CTDSPL: variants seen among roughly 807,000 people sequenced by gnomAD.
The protein encoded by CTDSPL is CTD small phosphatase-like protein.
A neutral mutation model predicts 30.5 loss-of-function variants in CTDSPL; 8 were observed. The ratio of observed to expected loss-of-function variants is 0.26; its 90% CI spans 0.15 to 0.47. The LOEUF is 0.47. CTDSPL is among the 20% of genes least tolerant of loss of function. CTDSPL has a pLI of 0.99. For synonymous variants in CTDSPL, 110 were observed against 137.9 expected (o/e 0.80, Z 1.42); for missense variants, 248 against 366.1 (o/e 0.68, Z 2.63).
intron 1 of CTDSPL, among the ~76,000 whole-genome samples, chr3:37,892,420 GTTTTATGC>G (rs577568793): frequency 2.9e-4 from 44 of 152,032 alleles, no homozygotes; most frequent in Non-Finnish European, 5.7e-4. Flanking sequence ...AATACCAACT[GTTTTATGC>G]TTTAGTCTTA....
intron 1 of CTDSPL, among the ~76,000 whole-genome samples, chr3:37,889,598 T>C (rs993009624): frequency 6.6e-6 from 1 of 152,088 alleles, no homozygotes; most frequent in Non-Finnish European, 1.5e-5. Flanking sequence ...AAAGAAATAA[T>C]GTGAGAGAAT....
intron 1 of CTDSPL, among the ~76,000 whole-genome samples, chr3:37,895,641 T>A (rs1342955226): frequency 6.6e-6 from 1 of 152,242 alleles, no homozygotes; most frequent in East Asian, 1.9e-4. Context: ...CTGCTTACTG[T>A]CTATCTTTTT....
chr3:37,881,926 A>C (rs770589446), intron 1 of CTDSPL, among the ~76,000 whole-genome samples: 1 of 152,210 alleles, frequency 6.6e-6, no homozygotes, highest in Non-Finnish European at 1.5e-5. Flanking sequence ...TCTTGAAATA[A>C]ATATACCAAA....
chr3:37,904,294 G>A, intron 1 of CTDSPL, among the ~76,000 whole-genome samples: 1 of 152,202 alleles, frequency 6.6e-6, no homozygotes, highest in Non-Finnish European at 1.5e-5. Context: ...TTCCCTTTGA[G>A]GAAGGGTCTG....
In CTDSPL at chr3:37,981,872, C is replaced by T; in HGVS notation, c.*1005C>T. 2.2e-6 allele frequency: 1 copy of T among 457,304 alleles called. No homozygotes were observed. The highest frequency in any genetic ancestry group is 4.4e-6 in the Non-Finnish European group (1 of 227,092). The allele number at this position is 457,304 out of a possible 1,614,324, so 28.3% of individuals were successfully genotyped here. A position where few individuals can be genotyped will look rare whatever the true frequency, so the allele number is the denominator to read the frequency against. On this transcript the variant is annotated 3_prime_UTR_variant, in exon 8 of 8. Coordinates refer to ENST00000273179, the MANE Select transcript of CTDSPL (RefSeq NM_001008392.2). ...GGGAATTTTCCTTGCTGCTACCGCG[C>T]TGCCACCAAATGGAATTGACCAGCG... is the stretch of plus-strand genomic sequence containing the variant.
rs572722081 is a variant in CTDSPL at position 37,979,537 on chromosome 3, G to A, written c.706-1205G>A. ...GAACCCAGGAGTTGGAGGTTGCAGTGAGCTAAGATCACACCATTGCACTCC... is the reference window on the plus strand; with the variant it reads ...GAACCCAGGAGTTGGAGGTTGCAGTAAGCTAAGATCACACCATTGCACTCC... On this transcript the variant is annotated intron_variant, in intron 7 of 7. Coordinates refer to ENST00000273179, the MANE Select transcript of CTDSPL (RefSeq NM_001008392.2). Among the ~76,000 whole-genome samples the A allele has an allele frequency of 5.3e-5, 8 of 152,222 alleles. No homozygotes were observed. The East Asian group carries it at 1.5e-3, about 29-fold the overall frequency.
intron 2 of CTDSPL, among the ~76,000 whole-genome samples, chr3:37,956,174 T>C (rs1043844296): frequency 3.3e-5 from 5 of 152,164 alleles, no homozygotes; most frequent in Admixed American, 6.5e-5. Context: ...ATCAAGAAGT[T>C]GCTAAATAGT....
intron 2 of CTDSPL, among the ~76,000 whole-genome samples, chr3:37,949,954 C>G (rs535927773): frequency 6.6e-6 from 1 of 152,340 alleles, no homozygotes; most frequent in Non-Finnish European, 1.5e-5. Context: ...AAAATGCTTA[C>G]GTGTCCCTGA....
chr3:37,922,718 A>G (rs990845803), intron 1 of CTDSPL, among the ~76,000 whole-genome samples: 23 of 152,192 alleles, frequency 1.5e-4, no homozygotes, highest in South Asian at 8.3e-4. Context: ...TTATTACATG[A>G]TATTTGTGGG....
At chr3:37,936,534 C>T (rs1470136063) in intron 1 of CTDSPL, among the ~76,000 whole-genome samples, 1 of 151,936 alleles carries the variant, frequency 6.6e-6, no homozygotes, top group East Asian at 1.9e-4. Context: ...CTGTTAGACA[C>T]CCATTCCAAA....
At chr3:37,882,393 G>A (rs1180439021) in intron 1 of CTDSPL, among the ~76,000 whole-genome samples, 2 of 146,818 alleles carry the variant, frequency 1.4e-5, no homozygotes, top group African/African-American at 5.1e-5. Context: ...AGTGAGCTGA[G>A]ATCGCACCAC....
At position 37,929,705 on chromosome 3, in the gene CTDSPL, A is replaced by G. The variant is rs183830303; in HGVS notation, c.80-17352A>G. 6.6e-5 allele frequency among the ~76,000 whole-genome samples: 10 copies of G among 152,318 alleles called. No individual in the cohort carries two copies. In the East Asian group the frequency reaches 1.2e-3, roughly 18 times the overall value. On this transcript the variant is annotated intron_variant, in intron 1 of 7. Transcript: ENST00000273179. ...TGTGGACTCTTTAGGGTTTCTACATATAAGATCATGTCGCTGTGATATTTT... is the reference window on the plus strand; with the variant it reads ...TGTGGACTCTTTAGGGTTTCTACATGTAAGATCATGTCGCTGTGATATTTT...
chr3:37,887,629 G>A (rs965695066), intron 1 of CTDSPL, among the ~76,000 whole-genome samples: 2 of 152,192 alleles, frequency 1.3e-5, no homozygotes, highest in Non-Finnish European at 2.9e-5. Context: ...ATCTATGCAT[G>A]TGAAGCGCTT....
intron 1 of CTDSPL, among the ~76,000 whole-genome samples, chr3:37,877,733 G>A (rs1698154607): frequency 6.7e-6 from 1 of 149,292 alleles, no homozygotes. Context: ...GTACAGGCAT[G>A]GCACCGACAT....
At chr3:37,899,705 A>G (rs990925231) in intron 1 of CTDSPL, among the ~76,000 whole-genome samples, 7 of 152,244 alleles carry the variant, frequency 4.6e-5, no homozygotes, top group Admixed American at 1.3e-4. Context: ...GCAAGGACTC[A>G]GAGGGAGCCT....
chr3:37,960,710 A>G (rs559228242), intron 3 of CTDSPL, among the ~76,000 whole-genome samples: 5 of 151,498 alleles, frequency 3.3e-5, no homozygotes, highest in Non-Finnish European at 1.5e-5. Flanking sequence ...AGCCTGGGCT[A>G]CAGAGCCAGA....
chr3:37,872,557 TTTAAA>T (rs1698085954), intron 1 of CTDSPL, among the ~76,000 whole-genome samples: 2 of 147,686 alleles, frequency 1.4e-5, no homozygotes, highest in South Asian at 4.2e-4. Flanking sequence ...TTTTTTTTTT[TTTAAA>T]TTCTTTTATC....
intron 1 of CTDSPL, among the ~76,000 whole-genome samples, chr3:37,901,805 C>A (rs1481725677): frequency 2.0e-5 from 3 of 152,094 alleles, no homozygotes; most frequent in African/African-American, 7.2e-5. Context: ...TTGAGCTACA[C>A]AAAAATCAGA....
At chr3:37,952,367 C>A (rs978737042) in intron 2 of CTDSPL, among the ~76,000 whole-genome samples, 5 of 152,220 alleles carry the variant, frequency 3.3e-5, no homozygotes, top group African/African-American at 1.2e-4. Flanking sequence ...CATCAAGAAT[C>A]TGTTCTTCTG....
Sources: allele counts gnomAD v4.1 joint callset (sites outside exome capture counted in the v4.1 genomes callset), GRCh38; gene constraint gnomAD v4.1.1; transcripts MANE v1.5; gene names NCBI Gene and HGNC (gene_info 2026-07-23, HGNC 2026-07-21).